KCNH8: variants seen among roughly 807,000 people sequenced by gnomAD.
KCNH8 encodes the protein voltage-gated delayed rectifier potassium channel KCNH8.
KCNH8 carries 70 observed loss-of-function variants against 103.6 expected under a neutral mutation model. The observed-to-expected ratio is 0.68, with a 90% confidence interval of 0.56 to 0.82. The LOEUF (loss-of-function observed/expected upper bound fraction) is 0.82, where lower values mean the gene tolerates loss of function less well. Ranked by LOEUF, KCNH8 falls within the 40% of genes least tolerant of loss-of-function variation. The probability of loss-of-function intolerance (pLI) is 0.00; values close to 1 mark genes in which losing one functional copy is unlikely to be tolerated. For synonymous variants in KCNH8, 498 were observed against 489.4 expected (o/e 1.02, Z -0.23); for missense variants, 1,217 against 1,329.9 (o/e 0.92, Z 1.32).
intron 5 of KCNH8, among the ~76,000 whole-genome samples, chr3:19,368,901 G>A (rs1347981579): frequency 6.6e-6 from 1 of 151,902 alleles, no homozygotes; most frequent in Non-Finnish European, 1.5e-5. Context: ...AATATTTAAA[G>A]TTTAGTTACT....
At chr3:19,390,091 T>C (rs1481023354) in intron 5 of KCNH8, among the ~76,000 whole-genome samples, 2 of 152,132 alleles carry the variant, frequency 1.3e-5, no homozygotes, top group Non-Finnish European at 2.9e-5. Flanking sequence ...GCCAAGCTCT[T>C]AGAACAATAT....
chr3:19,243,379 A>C (rs1313503339), intron 1 of KCNH8, among the ~76,000 whole-genome samples: 4 of 152,004 alleles, frequency 2.6e-5, no homozygotes, highest in Non-Finnish European at 5.9e-5. Context: ...CTAGAAGAAA[A>C]CTCCGATATT....
At chr3:19,312,696 A>G (rs2065221990) in intron 3 of KCNH8, among the ~76,000 whole-genome samples, 1 of 151,936 alleles carries the variant, frequency 6.6e-6, no homozygotes, top group African/African-American at 2.4e-5. Context: ...TGTTAGTATT[A>G]TGATGGATAA....
intron 11 of KCNH8, among the ~76,000 whole-genome samples, chr3:19,466,279 A>G (rs1188523321): frequency 1.3e-5 from 2 of 152,170 alleles, no homozygotes; most frequent in Non-Finnish European, 2.9e-5. Flanking sequence ...GAATCTACTC[A>G]TGGTGAAGAT....
At chr3:19,352,212 T>G (rs955552112) in intron 5 of KCNH8, among the ~76,000 whole-genome samples, 5 of 152,214 alleles carry the variant, frequency 3.3e-5, no homozygotes, top group African/African-American at 1.2e-4. Context: ...ACACAATACA[T>G]GAGCATCCAG....
chr3:19,435,771 T>A (rs898232911), intron 7 of KCNH8, among the ~76,000 whole-genome samples: 1 of 152,196 alleles, frequency 6.6e-6, no homozygotes, highest in Non-Finnish European at 1.5e-5. Flanking sequence ...ACCACAGAGA[T>A]TCTCCATAGT....
At chr3:19,507,103 C>T (rs1173987674) in intron 11 of KCNH8, among the ~76,000 whole-genome samples, 2 of 152,122 alleles carry the variant, frequency 1.3e-5, no homozygotes, top group Non-Finnish European at 2.9e-5. Context: ...AAACGCACTG[C>T]TGGCCTGAGC....
intron 5 of KCNH8, among the ~76,000 whole-genome samples, chr3:19,379,926 A>G (rs2066266371): frequency 6.6e-6 from 1 of 152,338 alleles, no homozygotes; most frequent in Non-Finnish European, 1.5e-5. Context: ...CAGTAAAACT[A>G]TCTCTATGTA....
intron 3 of KCNH8, among the ~76,000 whole-genome samples, chr3:19,293,659 T>C (rs970442712): frequency 1.3e-5 from 2 of 152,214 alleles, no homozygotes; most frequent in African/African-American, 2.4e-5. Context: ...TACATCACCC[T>C]GTTCATTGTT....
chr3:19,383,516 C>A (rs891518529), intron 5 of KCNH8, among the ~76,000 whole-genome samples: 1 of 151,618 alleles, frequency 6.6e-6, no homozygotes, highest in Non-Finnish European at 1.5e-5. Context: ...GGACTACAGG[C>A]GCCCGCCACT....
rs780985853 is a variant in KCNH8, at chr3:19,373,387, GT to G, written c.812-17091del. 8.5e-5 allele frequency among the ~76,000 whole-genome samples: 13 copies of G among 152,246 alleles called. 1 individual carries two copies. The highest frequency in any genetic ancestry group is 4.6e-4 in the Admixed American group (7 of 15,278). ...TTATCCATTTCTTCTAGATTTTCTA[GT>G]TTATTTGCGTAGAGGTGTTTGTAGT... On this transcript the variant is annotated intron_variant, in intron 5 of 15. Coordinates refer to ENST00000328405, the MANE Select transcript of KCNH8 (RefSeq NM_144633.3).
chr3:19,364,044 G>C (rs1297551182), intron 5 of KCNH8, among the ~76,000 whole-genome samples: 1 of 152,062 alleles, frequency 6.6e-6, no homozygotes, highest in East Asian at 1.9e-4. Context: ...GCTTTGATTA[G>C]TTAACATCCA....
At chr3:19,450,679 G>T in intron 9 of KCNH8, 1 of 290,620 alleles carries the variant, frequency 3.4e-6, no homozygotes, top group South Asian at 3.5e-5. Context: ...TCCATCAAAG[G>T]GGTTATCTTT....
At chr3:19,202,941 C>A (rs545824421) in intron 1 of KCNH8, among the ~76,000 whole-genome samples, 1 of 152,214 alleles carries the variant, frequency 6.6e-6, no homozygotes, top group African/African-American at 2.4e-5. Flanking sequence ...CCCGACGATA[C>A]AAATTTGCTG....
intron 7 of KCNH8, among the ~76,000 whole-genome samples, chr3:19,431,139 T>C (rs991122105): frequency 6.6e-6 from 1 of 152,198 alleles, no homozygotes; most frequent in African/African-American, 2.4e-5. Context: ...ATGGCTCTTA[T>C]TATTTTGAGG....
At chr3:19,270,082 T>TCTA (rs2073503906) in intron 2 of KCNH8, among the ~76,000 whole-genome samples, 1 of 152,200 alleles carries the variant, frequency 6.6e-6, no homozygotes, top group African/African-American at 2.4e-5. Flanking sequence ...TCTTTAGGCT[T>TCTA]CTACATCAAA....
In KCNH8 at chr3:19,366,156, A is replaced by C. The variant is rs577625886; in HGVS notation, c.811+18191A>C. On this transcript the variant is annotated intron_variant, in intron 5 of 15. Coordinates refer to ENST00000328405, the MANE Select transcript of KCNH8 (RefSeq NM_144633.3). Reference sequence around the variant, plus strand: ...GCTACTGTGAAATATTATAGGTTGTATGCTGCTTTCTGAATTTTTTATACT... The same window carrying C: ...GCTACTGTGAAATATTATAGGTTGTCTGCTGCTTTCTGAATTTTTTATACT... Among the ~76,000 whole-genome samples the C allele has an allele frequency of 9.9e-5, 15 of 152,204 alleles. No homozygotes were observed. In the East Asian group the frequency reaches 2.9e-3, roughly 29 times the overall value.
At chr3:19,288,181 CTTTTTTTTTTTT>C (rs767659898) in intron 3 of KCNH8, among the ~76,000 whole-genome samples, 17 of 38,162 alleles carry the variant, frequency 4.5e-4, no homozygotes, top group African/African-American at 8.7e-4. Context: ...TATCAAACTT[CTTTTTTTTTTTT>C]TTTTTTTTTT....
chr3:19,485,440 C>T (rs141471927), intron 11 of KCNH8, among the ~76,000 whole-genome samples: 14 of 152,330 alleles, frequency 9.2e-5, no homozygotes, highest in Admixed American at 2.6e-4. Context: ...TGTTGTGCTA[C>T]TGCTTTGGCA....
Sources: gnomAD v4.1 joint callset for allele counts (sites outside exome capture counted in the v4.1 genomes callset) on GRCh38, gnomAD v4.1.1 for gene constraint, MANE v1.5 for transcripts, NCBI Gene and HGNC (gene_info 2026-07-23, HGNC 2026-07-21) for gene names.